RGMA: variants seen among roughly 807,000 people sequenced by gnomAD.
RGMA encodes the protein repulsive guidance molecule BMP co-receptor a.
In RGMA, 10 loss-of-function variants were observed where a neutral mutation model predicts 23.2. The ratio of observed to expected loss-of-function variants is 0.43; its 90% confidence interval spans 0.27 to 0.73. The LOEUF is 0.73. Ranked by LOEUF, RGMA falls within the 30% of genes least tolerant of loss-of-function variation. RGMA has a pLI of 0.20. For missense variants in RGMA, 547 were observed against 630.5 expected (o/e 0.87, Z 1.42); for synonymous variants, 308 against 279.3 (o/e 1.10, Z -1.03).
At position 93,045,266 on chromosome 15, in the gene RGMA, G is replaced by C. The variant is rs750418522; in HGVS notation, c.1085C>G (p.Ala362Gly). ...CACCGGCAGCTTCTCCTTGCACTTGGCCACGGCTGTCTCGTATGGGAAGGT... is the reference window on the plus strand; with the variant it reads ...CACCGGCAGCTTCTCCTTGCACTTGCCCACGGCTGTCTCGTATGGGAAGGT... Reference protein sequence around the residue: ...PETFPYETAVAKCKEKLPVED... With the variant: ...PETFPYETAVGKCKEKLPVED... The change falls in exon 4 of 4, where the codon GCC becomes GGC. Residue 362 changes from alanine (A) to glycine (G), a missense_variant. By Grantham distance (60) the Ala-to-Gly change is moderately conservative. Coordinates refer to ENST00000329082, the MANE Select transcript of RGMA (RefSeq NM_020211.3). This position sits in a 1 kb window ranked among gnomAD's most constrained non-coding sequence, Gnocchi z 6.9. The C allele has an allele frequency of 5.6e-6, 9 of 1,612,996 alleles. No individual in the cohort carries two copies. In the South Asian group the frequency reaches 8.8e-5, roughly 16 times the overall value.
Position 93,069,330 on chromosome 15 carries a change from GAACTCCTGGCCTC to G in RGMA, c.130+3573_130+3585del, listed in dbSNP as rs1895251877. ...TCGCTATGTTGGTCAGGCTGGTCTC[GAACTCCTGGCCTC>G]AAGCAATCCACCCACCTCGGCCTCT... is the stretch of plus-strand genomic sequence containing the variant. On this transcript the variant is annotated intron_variant, in intron 2 of 3. Transcript: ENST00000329082. Among the ~76,000 whole-genome samples, 3 of 152,134 alleles carry G rather than the reference GAACTCCTGGCCTC, an allele frequency of 2.0e-5. No homozygotes were observed. The South Asian group carries it at 6.2e-4, about 32-fold the overall frequency.
Position 93,052,367 on chromosome 15 carries a change from G to T in RGMA, c.271C>A (p.Arg91Ser). Residue 91 changes from arginine to serine, a missense_variant, in exon 3 of 4, where the codon CGC becomes AGC. Physicochemically the swap from Arg to Ser is moderately radical, Grantham distance 110 (BLOSUM62 -1). Around this residue, in one of 3 missense-constraint regions of RGMA, gnomAD observed 214 missense variants for 234.7 expected, o/e 0.91. Coordinates refer to ENST00000329082, the MANE Select transcript of RGMA (RefSeq NM_020211.3). ...TAGGCCAGGTCACCCCGGCAGGTGC[G>T]GGCCGTCCGCCGCGTGCACAGGGCG... The part of the protein sequence containing the change: ...SYALCTRRTA[R>S]TCRGDLAYHS... 1 of 1,600,514 alleles carries T rather than the reference G, an allele frequency of 6.2e-7. No homozygotes were observed. The highest frequency in any genetic ancestry group is 8.5e-7 in the Non-Finnish European group (1 of 1,179,408).
At position 93,040,672 on chromosome 15, in the gene RGMA, G is replaced by A. The variant is rs955125832; in HGVS notation, c.*4326C>T. On this transcript the variant is annotated 3_prime_UTR_variant, in exon 4 of 4. Coordinates refer to ENST00000329082, the MANE Select transcript of RGMA (RefSeq NM_020211.3). ...CCATGGGACCCTGGGTTTTGTAACT[G>A]TGGTTTATTGCCTTGTCTTTCCAAT... 6.6e-6 allele frequency: 1 copy of A among 152,256 alleles called. No individual in the cohort carries two copies. Among genetic ancestry groups the A allele is most frequent in the Non-Finnish European group, 1.5e-5 (1 of 68,110 alleles). 9.4% of individuals were successfully genotyped at this position (152,256 alleles called of 1,614,324 possible).
intron 2 of RGMA, among the ~76,000 whole-genome samples, chr15:93,058,939 C>G (rs951886810): frequency 2.0e-5 from 3 of 152,182 alleles, no homozygotes; most frequent in Non-Finnish European, 4.4e-5. Flanking sequence ...GAAAACAAAA[C>G]ATGATCGTGA....
chr15:93,079,979 G>C (rs1008508054), intron 1 of RGMA, among the ~76,000 whole-genome samples: 2 of 152,072 alleles, frequency 1.3e-5, no homozygotes, highest in African/African-American at 2.4e-5. Context: ...CTTTCTCTCT[G>C]TGTAAAGAAT....
chr15:93,058,649 G>A (rs2055051669), intron 2 of RGMA, among the ~76,000 whole-genome samples: 1 of 152,166 alleles, frequency 6.6e-6, no homozygotes, highest in Non-Finnish European at 1.5e-5. Flanking sequence ...GGAAACTGAG[G>A]CCTAGAGGCA....
Position 93,051,975 on chromosome 15 carries a change from C to T in RGMA, c.645+18G>A. On this transcript the variant is annotated intron_variant, in intron 3 of 3. Coordinates refer to ENST00000329082, the MANE Select transcript of RGMA (RefSeq NM_020211.3). ...CAAAGGGCAGGGCTGTGCCCTACAG[C>T]CGCCCCCTCCCCCTTACCTTGCTGG... The T allele has an allele frequency of 6.4e-7, 1 of 1,572,914 alleles. No individual in the cohort carries two copies.
At chr15:93,065,907 G>C in intron 2 of RGMA, 1 of 717,424 alleles carries the variant, frequency 1.4e-6, no homozygotes, top group South Asian at 1.5e-5. Flanking sequence ...GCTGTTGCTG[G>C]CTGGGGGGCC....
intron 1 of RGMA, among the ~76,000 whole-genome samples, chr15:93,075,095 CT>C (rs35797220): frequency 0.32 from 44,616 of 139,222 alleles, 7,172 homozygotes; most frequent in East Asian, 0.59. Flanking sequence ...CACAGCAGGA[CT>C]TTTTTTTTTT....
rs1555447552 is a variant in RGMA, at chr15:93,038,569, G to GTTTGTTTTTTT, written c.*6428_*6429insAAAAAAACAAA. The GTTTGTTTTTTT allele has an allele frequency of 1.0e-5, 1 of 100,224 alleles. No individual in the cohort carries two copies. The highest frequency in any genetic ancestry group is 3.2e-5 in the African/African-American group (1 of 30,862). 6.2% of individuals were successfully genotyped at this position (100,224 alleles called of 1,614,324 possible). On this transcript the variant is annotated 3_prime_UTR_variant, in exon 4 of 4. Coordinates refer to ENST00000329082, the MANE Select transcript of RGMA (RefSeq NM_020211.3). ...GCCTTAATGAACGAAACTGTTAGTTGTTTTTTTTTTTTTTTTGAGACGGTG... is the reference window on the plus strand; with the variant it reads ...GCCTTAATGAACGAAACTGTTAGTTGTTTGTTTTTTTTTTTTTTTTTTTTTTTGAGACGGTG...
chr15:93,073,246 G>C lies in RGMA; in HGVS notation c.15-215C>G, dbSNP rs760758335. 1,368 of 1,060,640 alleles carry C rather than the reference G, an allele frequency of 1.3e-3. 5 individuals are homozygous for C. The highest frequency in any genetic ancestry group is 1.2e-3 in the Non-Finnish European group (1,014 of 851,220). 65.7% of individuals were successfully genotyped at this position (1,060,640 alleles called of 1,614,324 possible). On this transcript the variant is annotated intron_variant, in intron 1 of 3. Coordinates refer to ENST00000329082, the MANE Select transcript of RGMA (RefSeq NM_020211.3). ...AATGTCGACGCGGCCCCGCGCCCCAGCCGCCTGCGCACCGCCCCCTCGCGC... is the reference window on the plus strand; with the variant it reads ...AATGTCGACGCGGCCCCGCGCCCCACCCGCCTGCGCACCGCCCCCTCGCGC...
chr15:93,050,149 AG>A (rs1409557702), intron 3 of RGMA, among the ~76,000 whole-genome samples: 1 of 152,166 alleles, frequency 6.6e-6, no homozygotes, highest in African/African-American at 2.4e-5. Context: ...CTCCATCGCC[AG>A]CTCCCCTTTG....
chr15:93,075,224 G>A (rs978540971), intron 1 of RGMA, among the ~76,000 whole-genome samples: 13 of 151,854 alleles, frequency 8.6e-5, no homozygotes, highest in African/African-American at 3.1e-4. Context: ...CTTAAAGAAA[G>A]GATAACTAAA....
chr15:93,088,212 T>A (rs73460353), intron 1 of RGMA: 3 of 873,184 alleles, frequency 3.4e-6, no homozygotes, highest in East Asian at 2.4e-4. Flanking sequence ...CAATCCCGAA[T>A]TGCACCCGAG....
intron 2 of RGMA, 143 bp from the exon 3 acceptor site, chr15:93,052,650 T>C: frequency 1.0e-6 from 1 of 972,602 alleles, no homozygotes; most frequent in Non-Finnish European, 1.5e-6. Context: ...GTGAAAAATT[T>C]CCTGCAGGTG....
At chr15:93,047,779 G>A (rs1242279131) in intron 3 of RGMA, among the ~76,000 whole-genome samples, 8 of 152,242 alleles carry the variant, frequency 5.3e-5, no homozygotes, top group Non-Finnish European at 8.8e-5. Flanking sequence ...TGGGTAGAGG[G>A]CAATGCCGCC....
intron 2 of RGMA, among the ~76,000 whole-genome samples, chr15:93,058,789 G>A (rs540820523): frequency 2.7e-5 from 4 of 150,802 alleles, no homozygotes; most frequent in Middle Eastern, 3.5e-3. Context: ...GCTCCATACC[G>A]GGCAACACGA....
chr15:93,061,884 G>A (rs1020462816), intron 2 of RGMA, among the ~76,000 whole-genome samples: 1 of 152,182 alleles, frequency 6.6e-6, no homozygotes, highest in Admixed American at 6.5e-5. Context: ...GACTTATTTT[G>A]CAGTGCACGA....
rs771815572 is a variant in RGMA at position 93,052,397 on chromosome 15, T to C, written c.241A>G (p.Ser81Gly). 8 of 1,599,428 alleles carry C rather than the reference T, an allele frequency of 5.0e-6. No homozygotes were observed. The South Asian group carries it at 6.6e-5, about 13-fold the overall frequency. Residue 81 changes from serine (S) to glycine (G), a missense_variant, in exon 3 of 4, where the codon AGC becomes GGC. Physicochemically the swap from Ser to Gly is moderately conservative, Grantham distance 56. Around this residue, in one of 3 missense-constraint regions of RGMA, gnomAD observed 214 missense variants for 234.7 expected, o/e 0.91. Coordinates refer to ENST00000329082, the MANE Select transcript of RGMA (RefSeq NM_020211.3). The part of the protein sequence containing the change: ...DTPEFCAALR[S>G]YALCTRRTAR... Reference sequence around the variant, plus strand: ...GTCCGCCGCGTGCACAGGGCGTAGCTGCGCAAGGCTGCACAGAACTCGGGG... The same window carrying C: ...GTCCGCCGCGTGCACAGGGCGTAGCCGCGCAAGGCTGCACAGAACTCGGGG...
Sources: gnomAD v4.1 joint callset for allele counts (sites outside exome capture counted in the v4.1 genomes callset) on GRCh38, gnomAD v4.1.1 for gene constraint, gnomAD v4.1.1 regional missense constraint, Gnocchi (gnomAD v3.1) non-coding constraint, MANE v1.5 for transcripts, NCBI Gene and HGNC (gene_info 2026-07-23, HGNC 2026-07-21) for gene names.